AK9: variants seen among roughly 807,000 people sequenced by gnomAD.
AK9 encodes the protein adenylate kinase domain containing 1.
AK9 carries 191 observed loss-of-function variants against 239.6 expected under a neutral mutation model. The ratio of observed to expected loss-of-function variants is 0.80; its 90% CI spans 0.71 to 0.90. AK9 has a LOEUF of 0.90. Among genes scored for constraint, AK9 ranks in the 40% least tolerant of loss-of-function variants. The pLI is 0.00. For synonymous variants in AK9, 689 were observed against 721.0 expected, an observed-to-expected ratio of 0.96 and a Z score of 0.71; for missense variants, 1,995 against 2,214.7, an observed-to-expected ratio of 0.90 and a Z score of 1.99.
intron 29 of AK9, among the ~76,000 whole-genome samples, chr6:109,523,149 T>G (rs1044121652): frequency 1.3e-5 from 2 of 152,166 alleles, no homozygotes; most frequent in African/African-American, 4.8e-5. Flanking sequence ...ATGCTATTTC[T>G]TTTTCTTACT....
chr6:109,493,621 C>T (rs1409247760), intron 40 of AK9, 50 bp from the exon 41 acceptor site: 1 of 1,510,996 alleles, frequency 6.6e-7, no homozygotes, highest in Non-Finnish European at 9.1e-7. Context: ...GTTAGTGAGT[C>T]ATTAAATGAA....
chr6:109,540,519 G>C (rs562313581), intron 27 of AK9, among the ~76,000 whole-genome samples: 1 of 152,308 alleles, frequency 6.6e-6, no homozygotes, highest in African/African-American at 2.4e-5. Context: ...CCCGTGGCTA[G>C]GAAAGGGAAT....
chr6:109,680,353 C>T (rs770255495), intron 1 of AK9, among the ~76,000 whole-genome samples: 1 of 152,022 alleles, frequency 6.6e-6, no homozygotes, highest in African/African-American at 2.4e-5. Context: ...GAAAGCATAT[C>T]AGTGACTGAA....
chr6:109,609,948 T>A (rs1185212307), intron 17 of AK9, among the ~76,000 whole-genome samples: 9 of 152,180 alleles, frequency 5.9e-5, no homozygotes, highest in Non-Finnish European at 1.3e-4. Context: ...ATCTCCCCTA[T>A]GAACACATGT....
intron 1 of AK9, 33 bp downstream of exon 1, chr6:109,691,114 T>C: frequency 2.0e-6 from 1 of 495,984 alleles, no homozygotes; most frequent in Non-Finnish European, 3.7e-6. Flanking sequence ...TCCGTCGACT[T>C]TTTCTCCGCC....
chr6:109,576,429 T>A, intron 20 of AK9, among the ~76,000 whole-genome samples: 2 of 147,970 alleles, frequency 1.4e-5, no homozygotes, highest in Admixed American at 6.8e-5. Flanking sequence ...ACTTTTTTTT[T>A]TTTTTTTTGC....
chr6:109,610,589 T>C (rs1562491005), intron 16 of AK9, 76 bp from the exon 17 acceptor site: 2 of 1,380,828 alleles, frequency 1.4e-6, no homozygotes, highest in African/African-American at 2.9e-5. Flanking sequence ...AAAACATGAT[T>C]GATAATATCT....
chr6:109,561,729 T>C (rs1000357579), intron 24 of AK9, among the ~76,000 whole-genome samples: 1 of 152,190 alleles, frequency 6.6e-6, no homozygotes, highest in Non-Finnish European at 1.5e-5. Flanking sequence ...GTGGCATATG[T>C]TTTCTCCTTT....
At chr6:109,520,118 A>C (rs1305390053) in intron 29 of AK9, among the ~76,000 whole-genome samples, 1 of 151,902 alleles carries the variant, frequency 6.6e-6, no homozygotes, top group African/African-American at 2.4e-5. Context: ...TCCTTGTGGG[A>C]GCTAAGCTCC....
In AK9 at chr6:109,644,665, G is replaced by C; in HGVS notation, c.783C>G (p.Pro261=). ...TTCCATTTAGCTCAATGAGATACTGGGGATTGTGTTCAGCCATTACTTCCT... is the reference window on the plus strand; with the variant it reads ...TTCCATTTAGCTCAATGAGATACTGCGGATTGTGTTCAGCCATTACTTCCT... ...TLEEVMAEHN[P]QYLIELNGNK... Residue 261 remains proline, a synonymous_variant, in exon 9 of 41, where the codon CCC becomes CCG. Transcript: ENST00000424296. The C allele has an allele frequency of 6.2e-7, 1 of 1,612,862 alleles. No individual in the cohort carries two copies.
Position 109,550,110 on chromosome 6 carries a change from C to G in AK9, c.2944G>C (p.Ala982Pro). 1 of 1,613,708 alleles carries G rather than the reference C, an allele frequency of 6.2e-7. No homozygotes were observed. The highest frequency in any genetic ancestry group is 8.5e-7 in the Non-Finnish European group (1 of 1,179,952). The change falls in exon 25 of 41, where the codon GCT becomes CCT. Residue 982 changes from alanine to proline, a missense_variant. Physicochemically the swap from Ala to Pro is conservative, Grantham distance 27. Coordinates refer to ENST00000424296, the MANE Select transcript of AK9 (RefSeq NM_001145128.3). ...CTCACCTTCAATGGTTCTTCATGAG[C>G]CACATAATCCTCAGGATGCTCCAAA... Reference protein sequence around the residue: ...KFLEHPEDYVAHEEPLKAPPL... With the variant: ...KFLEHPEDYVPHEEPLKAPPL...
chr6:109,614,249 T>G lies in AK9; in HGVS notation c.1543A>C (p.Thr515Pro). The stretch of plus-strand genomic sequence containing the variant: ...TCTGACTTTGTTTTGGCTTCTTCGG[T>G]GTCCACTAAAGAGCTGCCTCTGTCC... ...QRDRGSSLVDTEEAKTKSENV... is the reference protein window; with the variant it reads ...QRDRGSSLVDPEEAKTKSENV... The change falls in exon 15 of 41, where the codon ACC (threonine) becomes CCC (proline). Residue 515 changes from threonine to proline, a missense_variant. This residue lies in a region of AK9 where 1,290 missense variants were observed against 1,392.7 expected (regional missense o/e 0.93). Transcript: ENST00000424296. 1 of 1,551,454 alleles carries G rather than the reference T, an allele frequency of 6.4e-7. No homozygotes were observed. Among genetic ancestry groups the G allele is most frequent in the Non-Finnish European group, 8.7e-7 (1 of 1,146,784 alleles).
At chr6:109,538,796 C>G (rs1195007042) in intron 27 of AK9, among the ~76,000 whole-genome samples, 1 of 152,062 alleles carries the variant, frequency 6.6e-6, no homozygotes, top group Non-Finnish European at 1.5e-5. Context: ...GTAGGGCAGG[C>G]CTGGTGGTGA....
intron 35 of AK9, among the ~76,000 whole-genome samples, chr6:109,501,196 A>G (rs1408497545): frequency 6.6e-6 from 1 of 152,208 alleles, no homozygotes; most frequent in Non-Finnish European, 1.5e-5. Context: ...CAAATGATTT[A>G]TAACTAAACT....
chr6:109,623,722 A>G (rs1795138562), intron 12 of AK9, among the ~76,000 whole-genome samples: 1 of 152,018 alleles, frequency 6.6e-6, no homozygotes, highest in Admixed American at 6.6e-5. Context: ...TATACTCAGT[A>G]TTTTCCTCTG....
At chr6:109,541,020 C>T (rs1303891373) in intron 27 of AK9, among the ~76,000 whole-genome samples, 1 of 152,192 alleles carries the variant, frequency 6.6e-6, no homozygotes, top group Non-Finnish European at 1.5e-5. Context: ...AGACCTTTGG[C>T]CCTCTCCCCT....
rs57475668 is a variant in AK9 at position 109,636,750 on chromosome 6, TCACA to T, written c.934-3431_934-3428del. ...CTCTTTAAGGTTGAATAATATTCCATCACACACACACACACACACACACACACAC... is the reference window on the plus strand; with the variant it reads ...CTCTTTAAGGTTGAATAATATTCCATCACACACACACACACACACACACAC... On this transcript the variant is annotated intron_variant, in intron 10 of 40. Coordinates refer to ENST00000424296, the MANE Select transcript of AK9 (RefSeq NM_001145128.3). Among the ~76,000 whole-genome samples the T allele has an allele frequency of 1.1e-3, 149 of 135,570 alleles. 1 individual carries two copies. The highest frequency in any genetic ancestry group is 6.8e-3 in the East Asian group (30 of 4,382). The allele number at this position is 135,570 out of a possible 152,430, so 88.9% of individuals were successfully genotyped here.
chr6:109,562,743 T>C (rs1785938018), intron 24 of AK9, among the ~76,000 whole-genome samples: 1 of 96,912 alleles, frequency 1.0e-5, no homozygotes, highest in South Asian at 7.4e-4. Context: ...CTCTGTGAAT[T>C]GGGAGGGTTT....
Position 109,632,908 on chromosome 6 carries a change from T to G in AK9, c.1254+15A>C. 1 of 1,551,850 alleles carries G rather than the reference T, an allele frequency of 6.4e-7. No individual in the cohort carries two copies. The highest frequency in any genetic ancestry group is 8.8e-7 in the Non-Finnish European group (1 of 1,131,276). ...ATAGATAGATAGATAGATAGACAGA[T>G]AGTTAGTTAGTCACCTTTCCTTTGT... On this transcript the variant is annotated intron_variant, in intron 12 of 40. Coordinates refer to ENST00000424296, the MANE Select transcript of AK9 (RefSeq NM_001145128.3).
Sources: gnomAD v4.1 joint callset for allele counts (sites outside exome capture counted in the v4.1 genomes callset) on GRCh38, gnomAD v4.1.1 for gene constraint, gnomAD v4.1.1 regional missense constraint, MANE v1.5 for transcripts, NCBI Gene and HGNC (gene_info 2026-07-23, HGNC 2026-07-21) for gene names.